The following DIAPH2 variants were observed in gnomAD, a reference collection of about 807,000 sequenced individuals.
DIAPH2 encodes protein diaphanous homolog 2.
In DIAPH2, 35 loss-of-function variants were observed where a neutral mutation model predicts 92.7. The ratio of observed to expected loss-of-function variants is 0.38; its 90% CI spans 0.29 to 0.50. DIAPH2 has a LOEUF of 0.50. DIAPH2 is among the 20% of genes least tolerant of loss of function. The probability of loss-of-function intolerance (pLI) is 0.94; values close to 1 mark genes in which losing one functional copy is unlikely to be tolerated. For synonymous variants in DIAPH2, 301 were observed against 280.4 expected (o/e 1.07, Z -0.73); for missense variants, 701 against 819.5 (o/e 0.86, Z 1.77).
intron 20 of DIAPH2, among the ~76,000 whole-genome samples, chrX:97,113,367 T>A (rs2066995951): frequency 8.9e-6 from 1 of 111,887 alleles, no homozygotes; most frequent in African/African-American, 3.3e-5. Context: ...TGGCGTGTTT[T>A]ATAGTTGCCA....
intron 22 of DIAPH2, among the ~76,000 whole-genome samples, chrX:97,219,082 T>C (rs2067905233): frequency 8.9e-6 from 1 of 112,002 alleles, no homozygotes; most frequent in Non-Finnish European, 1.9e-5. Context: ...TTCATATAAT[T>C]TGTTGAGTGT....
At chrX:97,525,570 G>C (rs754303063) in intron 26 of DIAPH2, among the ~76,000 whole-genome samples, 1 of 111,932 alleles carries the variant, frequency 8.9e-6, no homozygotes, top group Non-Finnish European at 1.9e-5. Flanking sequence ...TTGTAGATCC[G>C]GCATTAAGCA....
At chrX:97,513,809 C>A (rs1253661332) in intron 26 of DIAPH2, among the ~76,000 whole-genome samples, 2 of 98,773 alleles carry the variant, frequency 2.0e-5, no homozygotes, top group Non-Finnish European at 4.1e-5. Context: ...GTTGAAAATT[C>A]TTTTCTTTAA....
At chrX:96,807,662 T>C (rs748982871) in intron 4 of DIAPH2, among the ~76,000 whole-genome samples, 1 of 109,893 alleles carries the variant, frequency 9.1e-6, no homozygotes, top group African/African-American at 3.3e-5. Flanking sequence ...GATTAATTAA[T>C]TTTAACACTA....
At chrX:97,308,066 G>A (rs548283844) in intron 23 of DIAPH2, among the ~76,000 whole-genome samples, 13 of 110,692 alleles carry the variant, frequency 1.2e-4, no homozygotes, top group African/African-American at 3.3e-4. Context: ...TGGTTTGAAA[G>A]GCAGATCTTA....
chrX:97,176,428 A>G (rs1177113776), intron 22 of DIAPH2, among the ~76,000 whole-genome samples: 1 of 112,035 alleles, frequency 8.9e-6, no homozygotes, highest in Non-Finnish European at 1.9e-5. Flanking sequence ...TTGATTCTAG[A>G]TTTTATCTAT....
At chrX:96,886,861 T>C (rs2065265665) in intron 5 of DIAPH2, among the ~76,000 whole-genome samples, 1 of 110,412 alleles carries the variant, frequency 9.1e-6, no homozygotes, top group African/African-American at 3.3e-5. Flanking sequence ...AGTGGATGCG[T>C]AGCCACTTGT....
intron 23 of DIAPH2, among the ~76,000 whole-genome samples, chrX:97,311,573 A>T (rs1221874324): frequency 9.0e-6 from 1 of 110,917 alleles, no homozygotes; most frequent in Non-Finnish European, 1.9e-5. Context: ...GTGCTGAGTT[A>T]GTTCCTGGGT....
intron 26 of DIAPH2, among the ~76,000 whole-genome samples, chrX:97,567,924 G>A (rs903885720): frequency 9.2e-6 from 1 of 108,511 alleles, no homozygotes; most frequent in Admixed American, 1.0e-4. Flanking sequence ...AGACAAGCGT[G>A]ACCAACATGG....
At chrX:97,358,785 T>G in intron 24 of DIAPH2, among the ~76,000 whole-genome samples, 1 of 111,690 alleles carries the variant, frequency 9.0e-6, no homozygotes, top group South Asian at 3.8e-4. Flanking sequence ...CGACTGCAAT[T>G]CCACTATCCA....
At chrX:97,527,132 A>G (rs1248584800) in intron 26 of DIAPH2, among the ~76,000 whole-genome samples, 1 of 112,497 alleles carries the variant, frequency 8.9e-6, no homozygotes, top group Non-Finnish European at 1.9e-5. Flanking sequence ...AATTTTGAAA[A>G]CAAAACATCT....
intron 1 of DIAPH2, among the ~76,000 whole-genome samples, chrX:96,724,897 A>G (rs932096499): frequency 2.7e-5 from 3 of 111,918 alleles, no homozygotes; most frequent in African/African-American, 9.7e-5. Flanking sequence ...GTGAGTTTTC[A>G]GGCAAAGGGA....
intron 5 of DIAPH2, among the ~76,000 whole-genome samples, chrX:96,909,388 AG>A (rs895401374): frequency 1.8e-5 from 2 of 109,135 alleles, no homozygotes; most frequent in South Asian, 8.2e-4. Flanking sequence ...AGGCTGGGGG[AG>A]GGGGGTGGAG....
intron 4 of DIAPH2, among the ~76,000 whole-genome samples, chrX:96,802,746 A>G (rs750075795): frequency 9.0e-6 from 1 of 111,551 alleles, no homozygotes; most frequent in African/African-American, 3.3e-5. Context: ...GTATTGACCC[A>G]CATGATCACA....
chrX:97,464,193 G>GCT lies in DIAPH2; in HGVS notation c.3241+34448_3241+34449insCT, dbSNP rs1401743886. Among the ~76,000 whole-genome samples the GCT allele has an allele frequency of 9.4e-5, 10 of 105,959 alleles. No homozygotes were observed. In the East Asian group the frequency reaches 3.0e-3, roughly 32 times the overall value. 92.0% of individuals were successfully genotyped at this position (105,959 alleles called of 115,157 possible). ...TATAAGTTGCTCTCAGGCCGGGGGT[G>GCT]GTGGCTCATGCCTGTAATCCCAGCA... is the stretch of plus-strand genomic sequence containing the variant. On this transcript the variant is annotated intron_variant, in intron 26 of 26. Coordinates refer to ENST00000324765, the MANE Select transcript of DIAPH2 (RefSeq NM_006729.5).
At chrX:97,444,095 C>A (rs1602593711) in intron 26 of DIAPH2, among the ~76,000 whole-genome samples, 1 of 111,510 alleles carries the variant, frequency 9.0e-6, no homozygotes, top group Non-Finnish European at 1.9e-5. Context: ...TTATTCAGTT[C>A]TACGTAATAG....
chrX:97,404,824 T>C (rs1305876833), intron 25 of DIAPH2, among the ~76,000 whole-genome samples: 1 of 112,429 alleles, frequency 8.9e-6, no homozygotes, highest in Non-Finnish European at 1.9e-5. Flanking sequence ...GTGTTTGAGC[T>C]GAGTTGGTTG....
chrX:96,979,624 C>T (rs764078006), intron 17 of DIAPH2, among the ~76,000 whole-genome samples: 12 of 112,255 alleles, frequency 1.1e-4, no homozygotes, highest in Admixed American at 2.8e-4. Context: ...AGACACTGAG[C>T]TTGCAGGAAG....
At chrX:97,185,353 G>GTGTATATATA (rs2067577012) in intron 22 of DIAPH2, among the ~76,000 whole-genome samples, 11 of 18,398 alleles carry the variant, frequency 6.0e-4, no homozygotes, top group Non-Finnish European at 7.8e-4. Flanking sequence ...ATATATATAT[G>GTGTATATATA]TGTGTATATA....
Sources: gnomAD v4.1 joint callset for allele counts (sites outside exome capture counted in the v4.1 genomes callset) on GRCh38, gnomAD v4.1.1 for gene constraint, MANE v1.5 for transcripts, NCBI Gene and HGNC (gene_info 2026-07-23, HGNC 2026-07-21) for gene names.